The following MAP2 variants were observed in gnomAD, a reference collection of about 807,000 sequenced individuals.
The protein encoded by MAP2 is microtubule associated protein 2.
In MAP2, 14 loss-of-function variants were observed where a neutral mutation model predicts 137.6. That is an observed-to-expected ratio of 0.10 (90% confidence interval 0.07 to 0.16). The LOEUF is 0.16. Ranked by LOEUF, MAP2 falls within the 10% of genes least tolerant of loss-of-function variation. MAP2 has a pLI of 1.00. For synonymous variants in MAP2, 786 were observed against 782.3 expected (o/e 1.00, Z -0.08); for missense variants, 2,088 against 2,191.5 (o/e 0.95, Z 0.94).
At chr2:209,431,077 C>CA (rs2149281035) in intron 1 of MAP2, among the ~76,000 whole-genome samples, 1 of 152,164 alleles carries the variant, frequency 6.6e-6, no homozygotes, top group East Asian at 1.9e-4. Flanking sequence ...CTTTTGTCTT[C>CA]AGTAGCACCA....
chr2:209,559,101 A>AT (rs2071370794), intron 2 of MAP2, among the ~76,000 whole-genome samples: 1 of 151,700 alleles, frequency 6.6e-6, no homozygotes, highest in Non-Finnish European at 1.5e-5. Flanking sequence ...TGAAATGGTG[A>AT]TTTTTTGTTT....
At chr2:209,638,236 G>C (rs1414099885) in intron 4 of MAP2, among the ~76,000 whole-genome samples, 1 of 152,042 alleles carries the variant, frequency 6.6e-6, no homozygotes, top group Non-Finnish European at 1.5e-5. Flanking sequence ...TCACTCTGGG[G>C]CACACTAAGA....
At chr2:209,545,765 A>G (rs949358680) in intron 2 of MAP2, among the ~76,000 whole-genome samples, 4 of 152,224 alleles carry the variant, frequency 2.6e-5, no homozygotes, top group Admixed American at 6.5e-5. Flanking sequence ...TGCTTTATAA[A>G]TTATGGATTG....
At chr2:209,546,997 A>C (rs1001327505) in intron 2 of MAP2, among the ~76,000 whole-genome samples, 6 of 152,212 alleles carry the variant, frequency 3.9e-5, no homozygotes, top group Admixed American at 3.9e-4. Flanking sequence ...GAAATTTTTA[A>C]AAATTAATTT....
rs566737871 is a variant in MAP2, at chr2:209,473,226, A to G, written c.-221-34366A>G. 2.8e-4 allele frequency among the ~76,000 whole-genome samples: 43 copies of G among 152,282 alleles called. 1 individual carries two copies. The South Asian group carries it at 5.2e-3, about 18-fold the overall frequency. On this transcript the variant is annotated intron_variant, in intron 1 of 15. Coordinates refer to ENST00000682079, the MANE Select transcript of MAP2 (RefSeq NM_001375505.1). Reference sequence around the variant, plus strand: ...TGTTCATCCATAAATCCCACGTTTTACAGTGATTGTCAGGTTATTGGTGGC... The same window carrying G: ...TGTTCATCCATAAATCCCACGTTTTGCAGTGATTGTCAGGTTATTGGTGGC...
chr2:209,536,492 G>A (rs1218308173), intron 2 of MAP2, among the ~76,000 whole-genome samples: 1 of 152,186 alleles, frequency 6.6e-6, no homozygotes, highest in Non-Finnish European at 1.5e-5. Flanking sequence ...CAAACAAAAT[G>A]TTGTTTGTTG....
At position 209,658,971 on chromosome 2, in the gene MAP2, C is replaced by G. The variant is rs114436057; in HGVS notation, c.262+5539C>G. 7.8e-3 allele frequency among the ~76,000 whole-genome samples: 1,187 copies of G among 152,272 alleles called. 17 individuals carry two copies. The highest frequency in any genetic ancestry group is 0.027 in the African/African-American group (1,104 of 41,552). On this transcript the variant is annotated intron_variant, in intron 5 of 15. Coordinates refer to ENST00000682079, the MANE Select transcript of MAP2 (RefSeq NM_001375505.1). ...CGTCATATCTTTTATCTCATTTCAT[C>G]TTTTTGCAATTTCCATGAGGATATC...
At chr2:209,663,400 G>T (rs1169445984) in intron 5 of MAP2, among the ~76,000 whole-genome samples, 2 of 152,068 alleles carry the variant, frequency 1.3e-5, no homozygotes, top group African/African-American at 4.8e-5. Context: ...TGTCCTGCCG[G>T]CTCACTGTGT....
chr2:209,578,367 A>T (rs1559342536), intron 2 of MAP2, among the ~76,000 whole-genome samples: 1 of 151,968 alleles, frequency 6.6e-6, no homozygotes, highest in African/African-American at 2.4e-5. Flanking sequence ...ATGCAAATTT[A>T]TCTTAATTCA....
At chr2:209,551,748 A>T (rs2069218006) in intron 2 of MAP2, among the ~76,000 whole-genome samples, 2 of 152,154 alleles carry the variant, frequency 1.3e-5, no homozygotes, top group South Asian at 4.1e-4. Context: ...GGGAAACCAG[A>T]GTATAGTATG....
chr2:209,641,856 A>G lies in MAP2; in HGVS notation c.-29-11286A>G, dbSNP rs563491210. 1.4e-3 allele frequency among the ~76,000 whole-genome samples: 212 copies of G among 152,272 alleles called. 1 individual carries two copies. Among genetic ancestry groups the G allele is most frequent in the African/African-American group, 4.9e-3 (203 of 41,548 alleles). ...AGCTGTGAAGCATAAGTTGTATATC[A>G]TGGTCACATAAAGACAATTGCCCAG... On this transcript the variant is annotated intron_variant, in intron 4 of 15. Coordinates refer to ENST00000682079, the MANE Select transcript of MAP2 (RefSeq NM_001375505.1).
intron 3 of MAP2, among the ~76,000 whole-genome samples, chr2:209,616,032 T>C (rs1450320648): frequency 1.3e-5 from 2 of 152,206 alleles, no homozygotes; most frequent in Non-Finnish European, 2.9e-5. Flanking sequence ...ACATCCCCTG[T>C]CCACTGAAAG....
intron 3 of MAP2, among the ~76,000 whole-genome samples, chr2:209,580,317 C>T (rs955532712): frequency 2.6e-5 from 4 of 151,922 alleles, no homozygotes; most frequent in Admixed American, 1.3e-4. Flanking sequence ...GCCTATGTTG[C>T]AAGTTATTAA....
Position 209,730,487 on chromosome 2 carries a change from T to G in MAP2, c.*90T>G, listed in dbSNP as rs1559688464. 4.7e-6 allele frequency: 4 copies of G among 856,166 alleles called. No individual in the cohort carries two copies. Among genetic ancestry groups the G allele is most frequent in the Non-Finnish European group, 7.4e-6 (4 of 543,690 alleles). 53.0% of individuals were successfully genotyped at this position (856,166 alleles called of 1,614,324 possible). A position where few individuals can be genotyped will look rare whatever the true frequency, so the allele number is the denominator to read the frequency against. On this transcript the variant is annotated 3_prime_UTR_variant, in exon 16 of 16. Coordinates refer to ENST00000682079, the MANE Select transcript of MAP2 (RefSeq NM_001375505.1). ...GAGCAGTTGTTATATTCATTCTTTA[T>G]AAACCATAAAATAAATAATCTCATC... is the stretch of plus-strand genomic sequence containing the variant.
At chr2:209,690,787 A>G in intron 7 of MAP2, 1 of 1,289,772 alleles carries the variant, frequency 7.8e-7, no homozygotes, top group Non-Finnish European at 1.0e-6. Flanking sequence ...CACATGAGAA[A>G]AGTGTAAAAG....
At chr2:209,495,601 T>A (rs1007145931) in intron 1 of MAP2, among the ~76,000 whole-genome samples, 5 of 152,240 alleles carry the variant, frequency 3.3e-5, no homozygotes, top group Non-Finnish European at 7.3e-5. Flanking sequence ...GGGACCTGAC[T>A]GTCAGAAGGA....
intron 2 of MAP2, among the ~76,000 whole-genome samples, chr2:209,551,658 G>GA (rs762114656): frequency 1.3e-5 from 2 of 152,008 alleles, no homozygotes; most frequent in Non-Finnish European, 2.9e-5. Flanking sequence ...CAATCTGGTA[G>GA]AAAAAATTTC....
intron 1 of MAP2, among the ~76,000 whole-genome samples, chr2:209,497,737 G>A (rs1209022880): frequency 6.6e-6 from 1 of 152,084 alleles, no homozygotes; most frequent in East Asian, 1.9e-4. Context: ...GAGTAGAATG[G>A]GAGGCTCCAC....
chr2:209,576,822 T>C (rs1559340291), intron 2 of MAP2, among the ~76,000 whole-genome samples: 1 of 152,186 alleles, frequency 6.6e-6, no homozygotes, highest in Non-Finnish European at 1.5e-5. Flanking sequence ...TCTTAGAATA[T>C]GACATACCTA....
Sources: gnomAD v4.1 joint callset for allele counts (sites outside exome capture counted in the v4.1 genomes callset) on GRCh38, gnomAD v4.1.1 for gene constraint, MANE v1.5 for transcripts, NCBI Gene and HGNC (gene_info 2026-07-23, HGNC 2026-07-21) for gene names.